LOC400499: variants seen among roughly 807,000 people sequenced by gnomAD.
chr16:11,463,750 G>A, the LOC400499 span, among the ~76,000 whole-genome samples: 4 of 152,036 alleles, frequency 2.6e-5, no homozygotes, highest in South Asian at 2.1e-4. Flanking sequence ...TATATATATG[G>A]ATGTGTGTAT....
chr16:11,448,230 C>T, the LOC400499 span, among the ~76,000 whole-genome samples: 1 of 152,324 alleles, frequency 6.6e-6, no homozygotes, highest in Admixed American at 6.5e-5. Context: ...CAGCCTCCAC[C>T]CTGATCAGAC....
the LOC400499 span, among the ~76,000 whole-genome samples, chr16:11,397,697 T>C: frequency 6.7e-6 from 1 of 150,028 alleles, no homozygotes; most frequent in African/African-American, 2.5e-5. Context: ...AAGCCTAAAA[T>C]ATATGCTATC....
At chr16:11,388,241 G>A in the LOC400499 span, among the ~76,000 whole-genome samples, 1 of 152,272 alleles carries the variant, frequency 6.6e-6, no homozygotes, top group East Asian at 1.9e-4. Flanking sequence ...CACTCACCAG[G>A]TAGGTGAGTA....
At chr16:11,414,851 C>T in the LOC400499 span, among the ~76,000 whole-genome samples, 2 of 152,216 alleles carry the variant, frequency 1.3e-5, no homozygotes, top group Middle Eastern at 3.2e-3. Flanking sequence ...CATCCCATCT[C>T]CCTGGAGTGT....
chr16:11,428,486 T>G, the LOC400499 span, among the ~76,000 whole-genome samples: 1 of 152,114 alleles, frequency 6.6e-6, no homozygotes, highest in East Asian at 1.9e-4. Flanking sequence ...TCCCTCCCCT[T>G]TTTAGACCAT....
chr16:11,455,265 G>T, the LOC400499 span, among the ~76,000 whole-genome samples: 2 of 152,178 alleles, frequency 1.3e-5, no homozygotes, highest in Non-Finnish European at 2.9e-5. Context: ...ATATGTATTT[G>T]AAAGGGGCAC....
chr16:11,521,313 T>C, the LOC400499 span, among the ~76,000 whole-genome samples: 1 of 151,886 alleles, frequency 6.6e-6, no homozygotes, highest in Non-Finnish European at 1.5e-5. Flanking sequence ...CCAGGAAAAA[T>C]ATGAGGGTTA....
chr16:11,438,454 G>A, the LOC400499 span, among the ~76,000 whole-genome samples: 1 of 151,870 alleles, frequency 6.6e-6, no homozygotes. Flanking sequence ...AATACACAGG[G>A]AATGAACAGC....
At chr16:11,467,345 C>A in the LOC400499 span, 2 of 151,046 alleles carry the variant, frequency 1.3e-5, no homozygotes, top group African/African-American at 4.9e-5. Context: ...AGTGGAGGCT[C>A]ACGCCTGTAA....
chr16:11,397,132 CTG>C, the LOC400499 span, among the ~76,000 whole-genome samples: 1 of 152,194 alleles, frequency 6.6e-6, no homozygotes, highest in South Asian at 2.1e-4. Context: ...GGCACCTAGG[CTG>C]TGTCTTTCAC....
chr16:11,475,105 C>G, the LOC400499 span, among the ~76,000 whole-genome samples: 1 of 152,130 alleles, frequency 6.6e-6, no homozygotes, highest in African/African-American at 2.4e-5. Context: ...TTTTCCCTTG[C>G]AGCTTGTGGA....
the LOC400499 span, chr16:11,493,551 G>A: frequency 5.1e-6 from 2 of 392,098 alleles, no homozygotes; most frequent in East Asian, 3.6e-5. Flanking sequence ...AATACATGAT[G>A]AATGAACAAC....
chr16:11,448,878 T>G, the LOC400499 span: 2 of 1,380,876 alleles, frequency 1.4e-6, no homozygotes, highest in East Asian at 2.6e-5. Flanking sequence ...AGGTGAGGGA[T>G]TCGGTGGTCT....
At chr16:11,450,842 A>G in the LOC400499 span, 3 of 1,519,872 alleles carry the variant, frequency 2.0e-6, no homozygotes, top group Non-Finnish European at 2.6e-6. Context: ...AAAGAAGGAG[A>G]ATCTGGTACA....
chr16:11,399,289 A>AT, the LOC400499 span: 1 of 969,340 alleles, frequency 1.0e-6, no homozygotes, highest in Non-Finnish European at 1.2e-6. Flanking sequence ...CCCTCACCAC[A>AT]TCCCAGTTAG....
At chr16:11,446,844 T>C in the LOC400499 span, 1 of 1,536,032 alleles carries the variant, frequency 6.5e-7, no homozygotes, top group Admixed American at 2.0e-5. Context: ...AGCGCTGGTG[T>C]CGCCTATCAG....
the LOC400499 span, chr16:11,514,536 C>T: frequency 1.5e-5 from 6 of 399,770 alleles, no homozygotes; most frequent in African/African-American, 4.1e-5. Context: ...GAGGTCAGGC[C>T]GGGCTGCGGA....
At chr16:11,443,618 G>C in the LOC400499 span, among the ~76,000 whole-genome samples, 1 of 152,038 alleles carries the variant, frequency 6.6e-6, no homozygotes, top group African/African-American at 2.4e-5. Flanking sequence ...AGAAGACCCG[G>C]ATGGGGTTCT....
chr16:11,496,130 A>T, the LOC400499 span, among the ~76,000 whole-genome samples: 1 of 150,832 alleles, frequency 6.6e-6, no homozygotes, highest in Non-Finnish European at 1.5e-5. Context: ...CCAGTGGCAC[A>T]ATCTCAGCTC....
Sources: allele counts gnomAD v4.1 joint callset (sites outside exome capture counted in the v4.1 genomes callset), GRCh38; gene constraint gnomAD v4.1.1; transcripts MANE v1.5.